RIT2: variants seen among roughly 807,000 people sequenced by gnomAD.
RIT2 encodes the protein GTP-binding protein Rit2.
RIT2 carries 24 observed loss-of-function variants against 23.7 expected under a neutral mutation model. That is an observed-to-expected ratio of 1.01 (90% CI 0.73 to 1.43). RIT2 has a LOEUF of 1.43. RIT2 is among the 40% of genes most tolerant of loss of function. The probability of loss-of-function intolerance (pLI) is 0.00; values close to 1 mark genes in which losing one functional copy is unlikely to be tolerated. For synonymous variants in RIT2, 107 were observed against 91.1 expected, an observed-to-expected ratio of 1.17 and a Z score of -0.99; for missense variants, 236 against 266.9, an observed-to-expected ratio of 0.88 and a Z score of 0.81.
intron 2 of RIT2, among the ~76,000 whole-genome samples, chr18:43,015,219 A>G (rs540182717): frequency 2.4e-4 from 37 of 151,768 alleles, no homozygotes; most frequent in African/African-American, 7.5e-4. Flanking sequence ...ATTTTTAGAA[A>G]ATATTCTGGA....
intron 3 of RIT2, among the ~76,000 whole-genome samples, chr18:42,945,925 C>T (rs959339669): frequency 2.0e-5 from 3 of 152,050 alleles, no homozygotes; most frequent in Non-Finnish European, 4.4e-5. Flanking sequence ...AAAAGAGGAA[C>T]ATCAGATAAA....
intron 1 of RIT2, among the ~76,000 whole-genome samples, chr18:43,076,430 A>G (rs1461383025): frequency 1.3e-5 from 2 of 152,194 alleles, no homozygotes; most frequent in East Asian, 1.9e-4. Flanking sequence ...AACAGGAAAA[A>G]AAGCAAAAAC....
rs1006820981 is a variant in RIT2 at position 43,050,521 on chromosome 18, C to T, written c.104-16654G>A. 6.6e-5 allele frequency among the ~76,000 whole-genome samples: 10 copies of T among 152,024 alleles called. No individual in the cohort carries two copies. The East Asian group carries it at 7.8e-4, about 12-fold the overall frequency. The stretch of plus-strand genomic sequence containing the variant: ...TGGTGTTTTGGTATATATTGGTTTG[C>T]GTCCAGGGTTCCTGGTTCATAACTC... On this transcript the variant is annotated intron_variant, in intron 1 of 4. Coordinates refer to ENST00000326695, the MANE Select transcript of RIT2 (RefSeq NM_002930.4).
intron 1 of RIT2, among the ~76,000 whole-genome samples, chr18:43,086,719 G>A (rs777238280): frequency 6.6e-6 from 1 of 152,134 alleles, no homozygotes; most frequent in Non-Finnish European, 1.5e-5. Context: ...AGGGCTATGG[G>A]CAAACAGTAG....
intron 4 of RIT2, among the ~76,000 whole-genome samples, chr18:42,868,421 A>C (rs1262171274): frequency 6.6e-6 from 1 of 152,240 alleles, no homozygotes; most frequent in Non-Finnish European, 1.5e-5. Flanking sequence ...AAGTTTAAGC[A>C]AACTGAGGAA....
chr18:42,831,577 A>T (rs1007789307), intron 4 of RIT2, among the ~76,000 whole-genome samples: 13 of 152,090 alleles, frequency 8.5e-5, no homozygotes, highest in Non-Finnish European at 1.6e-4. Flanking sequence ...GGCTTGTTTG[A>T]GGTCTTAAAG....
chr18:42,780,867 C>G (rs968968573), intron 4 of RIT2, among the ~76,000 whole-genome samples: 3 of 148,478 alleles, frequency 2.0e-5, no homozygotes, highest in Non-Finnish European at 3.0e-5. Flanking sequence ...TCCAGTCAGT[C>G]TGTTGCGGGG....
At chr18:43,005,942 C>T (rs1911217407) in intron 2 of RIT2, among the ~76,000 whole-genome samples, 1 of 151,616 alleles carries the variant, frequency 6.6e-6, no homozygotes, top group African/African-American at 2.4e-5. Flanking sequence ...AAGAAATCCT[C>T]AGAAGGAATG....
intron 4 of RIT2, among the ~76,000 whole-genome samples, chr18:42,824,839 T>C (rs1906251116): frequency 1.3e-5 from 2 of 151,648 alleles, no homozygotes; most frequent in South Asian, 4.2e-4. Context: ...TGAAGAAAAA[T>C]GCAGAGCACA....
chr18:42,914,810 T>C (rs1001751012), intron 4 of RIT2, among the ~76,000 whole-genome samples: 2 of 152,026 alleles, frequency 1.3e-5, no homozygotes, highest in African/African-American at 4.8e-5. Flanking sequence ...GTGGATTGAA[T>C]CAATGTCACT....
chr18:42,935,060 A>T (rs1399592865), intron 3 of RIT2, among the ~76,000 whole-genome samples: 1 of 104,936 alleles, frequency 9.5e-6, no homozygotes, highest in Admixed American at 1.2e-4. Context: ...AAAAAGTCAG[A>T]GTGTCTGTGG....
At chr18:42,821,342 C>T (rs1178652287) in intron 4 of RIT2, among the ~76,000 whole-genome samples, 1 of 152,030 alleles carries the variant, frequency 6.6e-6, no homozygotes, top group Non-Finnish European at 1.5e-5. Context: ...TAAACTGTGG[C>T]ATCAGGATGG....
At chr18:43,076,576 A>C (rs905409065) in intron 1 of RIT2, among the ~76,000 whole-genome samples, 26 of 152,180 alleles carry the variant, frequency 1.7e-4, no homozygotes, top group Non-Finnish European at 3.2e-4. Flanking sequence ...GGTAAGTGCT[A>C]AAGTAATACC....
chr18:42,751,022 T>G (rs1238209445), intron 4 of RIT2, among the ~76,000 whole-genome samples: 1 of 151,862 alleles, frequency 6.6e-6, no homozygotes, highest in East Asian at 1.9e-4. Flanking sequence ...CAGTGGGACA[T>G]TAGTTAAGGC....
chr18:42,770,310 G>A (rs1913521665), intron 4 of RIT2, among the ~76,000 whole-genome samples: 1 of 152,182 alleles, frequency 6.6e-6, no homozygotes, highest in African/African-American at 2.4e-5. Flanking sequence ...ACGACCTAGA[G>A]GCATAGCTTC....
intron 1 of RIT2, among the ~76,000 whole-genome samples, chr18:43,092,634 G>A (rs1364533827): frequency 6.6e-6 from 1 of 152,022 alleles, no homozygotes; most frequent in Non-Finnish European, 1.5e-5. Flanking sequence ...CAAACTGAGA[G>A]GACCATGGTT....
chr18:42,765,634 T>A (rs1291536180), intron 4 of RIT2, among the ~76,000 whole-genome samples: 1 of 152,200 alleles, frequency 6.6e-6, no homozygotes, highest in Non-Finnish European at 1.5e-5. Flanking sequence ...TGTGTTGACA[T>A]CAGTGACCTC....
intron 4 of RIT2, among the ~76,000 whole-genome samples, chr18:42,821,133 CT>C (rs1304484330): frequency 6.6e-6 from 1 of 152,048 alleles, no homozygotes; most frequent in Non-Finnish European, 1.5e-5. Context: ...CAAAATAGGC[CT>C]TTTTATCTTA....
In RIT2 at chr18:42,961,397, T is replaced by C. The variant is rs369128115; in HGVS notation, c.234+12677A>G. Reference sequence around the variant, plus strand: ...ATTGCAGGACGCATCAACTCAGGTTTAACACAGGAGTACTGAATTCCGAAT... The same window carrying C: ...ATTGCAGGACGCATCAACTCAGGTTCAACACAGGAGTACTGAATTCCGAAT... On this transcript the variant is annotated intron_variant, in intron 3 of 4. Coordinates refer to ENST00000326695, the MANE Select transcript of RIT2 (RefSeq NM_002930.4). Among the ~76,000 whole-genome samples the C allele has an allele frequency of 3.9e-4, 59 of 152,360 alleles. 1 individual carries two copies. In the South Asian group the frequency reaches 0.012, roughly 31 times the overall value.
Sources: gnomAD v4.1 joint callset for allele counts (sites outside exome capture counted in the v4.1 genomes callset) on GRCh38, gnomAD v4.1.1 for gene constraint, MANE v1.5 for transcripts, NCBI Gene and HGNC (gene_info 2026-07-23, HGNC 2026-07-21) for gene names.